CAB39: variants seen among roughly 807,000 people sequenced by gnomAD.
CAB39 encodes calcium binding protein 39.
CAB39 carries 8 observed loss-of-function variants against 40.0 expected under a neutral mutation model. That is an observed-to-expected ratio of 0.20 (90% CI 0.12 to 0.36). The LOEUF (loss-of-function observed/expected upper bound fraction) is 0.36. Among genes scored for constraint, CAB39 ranks in the 10% least tolerant of loss-of-function variants. The probability of loss-of-function intolerance (pLI) is 1.00; values close to 1 mark genes in which losing one functional copy is unlikely to be tolerated. For missense variants in CAB39, 270 were observed against 401.1 expected (o/e 0.67, Z 2.79); for synonymous variants, 156 against 141.6 (o/e 1.10, Z -0.72).
At chr2:230,731,636 A>G (rs1694691721) in intron 1 of CAB39, among the ~76,000 whole-genome samples, 1 of 152,144 alleles carries the variant, frequency 6.6e-6, no homozygotes, top group Non-Finnish European at 1.5e-5. Context: ...TCAAGTAGCT[A>G]GGACTACAGA....
At chr2:230,809,915 GT>G (rs1186595810) in intron 5 of CAB39, among the ~76,000 whole-genome samples, 1 of 152,080 alleles carries the variant, frequency 6.6e-6, no homozygotes, top group Non-Finnish European at 1.5e-5. Context: ...TGTTAGCTTT[GT>G]TTTTGTGTTT....
chr2:230,795,653 C>A (rs896197599), intron 4 of CAB39, among the ~76,000 whole-genome samples: 1 of 152,128 alleles, frequency 6.6e-6, no homozygotes, highest in African/African-American at 2.4e-5. Context: ...CTGTCCATTA[C>A]AAAATTCTCA....
chr2:230,804,527 A>G (rs1183207582), intron 5 of CAB39, among the ~76,000 whole-genome samples: 1 of 152,210 alleles, frequency 6.6e-6, no homozygotes, highest in African/African-American at 2.4e-5. Context: ...AGAATCTACA[A>G]AGAACTTAAA....
intron 2 of CAB39, among the ~76,000 whole-genome samples, chr2:230,785,539 C>G (rs1695774349): frequency 6.6e-6 from 1 of 151,562 alleles, no homozygotes; most frequent in African/African-American, 2.4e-5. Context: ...AGGGTGAGTT[C>G]CTAAGAACGC....
At chr2:230,784,437 A>G (rs375885149) in intron 2 of CAB39, among the ~76,000 whole-genome samples, 1 of 152,170 alleles carries the variant, frequency 6.6e-6, no homozygotes. Flanking sequence ...TTTAACTGTT[A>G]ATTAAAGCAG....
intron 2 of CAB39, among the ~76,000 whole-genome samples, chr2:230,779,833 GGA>G (rs1380642301): frequency 1.2e-4 from 18 of 152,210 alleles, no homozygotes; most frequent in Non-Finnish European, 2.6e-4. Flanking sequence ...ATGGGAGGGA[GGA>G]GAGTCTTCCT....
At chr2:230,784,332 C>A (rs920447201) in intron 2 of CAB39, among the ~76,000 whole-genome samples, 1 of 152,084 alleles carries the variant, frequency 6.6e-6, no homozygotes, top group Admixed American at 6.5e-5. Context: ...TGAGACATTA[C>A]GAGTGGAGAC....
rs757769992 is a variant in CAB39 at position 230,759,989 on chromosome 2, T to C, written c.-13T>C. 2.0e-6 allele frequency: 3 copies of C among 1,527,884 alleles called. No individual in the cohort carries two copies. The highest frequency in any genetic ancestry group is 2.7e-6 in the Non-Finnish European group (3 of 1,101,754). 94.6% of individuals were successfully genotyped at this position (1,527,884 alleles called of 1,614,324 possible). On this transcript the variant is annotated 5_prime_UTR_variant, in exon 2 of 9. Coordinates refer to ENST00000258418, the MANE Select transcript of CAB39 (RefSeq NM_016289.4). ...ACAGGCGGAGTGCAGCGGAGGCCCC[T>C]GCCGCTGCCGTCATGCCGTTCCCGT... is the stretch of plus-strand genomic sequence containing the variant.
intron 7 of CAB39, among the ~76,000 whole-genome samples, chr2:230,817,005 TGAA>T (rs1371173210): frequency 3.9e-5 from 6 of 152,230 alleles, no homozygotes; most frequent in African/African-American, 1.4e-4. Flanking sequence ...GTTGACAACC[TGAA>T]GAAGTGACTG....
At chr2:230,797,786 G>A (rs73995154) in intron 4 of CAB39, among the ~76,000 whole-genome samples, 5,156 of 152,194 alleles carry the variant, frequency 0.034, 305 homozygotes, top group African/African-American at 0.12. Flanking sequence ...AACATGAAAG[G>A]TTTTATTTTG....
chr2:230,764,644 A>AT (rs1219613945), intron 2 of CAB39, among the ~76,000 whole-genome samples: 1 of 152,220 alleles, frequency 6.6e-6, no homozygotes, highest in East Asian at 1.9e-4. Context: ...TTCATGATCT[A>AT]GTCAAATTTC....
intron 2 of CAB39, among the ~76,000 whole-genome samples, chr2:230,762,713 A>G (rs1695316812): frequency 6.6e-6 from 1 of 152,216 alleles, no homozygotes; most frequent in Non-Finnish European, 1.5e-5. Flanking sequence ...CATTACATTC[A>G]TTCTATTCAT....
At chr2:230,751,695 C>T (rs985659799) in intron 1 of CAB39, among the ~76,000 whole-genome samples, 3 of 152,058 alleles carry the variant, frequency 2.0e-5, no homozygotes, top group African/African-American at 7.2e-5. Flanking sequence ...TGTAATAGAG[C>T]AGTGATTTGA....
chr2:230,773,314 A>ATATATATATATATGTG (rs371297550), intron 2 of CAB39, among the ~76,000 whole-genome samples: 1 of 132,632 alleles, frequency 7.5e-6, no homozygotes, highest in African/African-American at 3.1e-5. Context: ...ATATATATAT[A>ATATATATATATATGTG]TGTGTGTGTG....
intron 2 of CAB39, among the ~76,000 whole-genome samples, chr2:230,784,920 A>G (rs1284287345): frequency 6.6e-6 from 1 of 152,214 alleles, no homozygotes; most frequent in Non-Finnish European, 1.5e-5. Flanking sequence ...ATAGGACCTC[A>G]CATTTTACAC....
In CAB39 at chr2:230,818,677, G is replaced by A. The variant is rs149136517; in HGVS notation, c.999G>A (p.Leu333=). 465 of 1,613,964 alleles carry A rather than the reference G, an allele frequency of 2.9e-4. 1 individual carries two copies. In the African/African-American group the frequency reaches 5.5e-3, roughly 19 times the overall value. The change falls in exon 9 of 9, where the codon TTG becomes TTA. Residue 333 remains leucine, a synonymous_variant. Coordinates refer to ENST00000258418, the MANE Select transcript of CAB39 (RefSeq NM_016289.4). The part of the protein sequence containing the change: ...KTYLVKQIRD[L]KRPAQQEA Reference sequence around the variant, plus strand: ...ATTTAGTTAAACAGATCAGGGATTTGAAGAGACCAGCTCAGCAAGAAGCTT... The same window carrying A: ...ATTTAGTTAAACAGATCAGGGATTTAAAGAGACCAGCTCAGCAAGAAGCTT...
chr2:230,748,477 T>A (rs1480575542), intron 1 of CAB39, among the ~76,000 whole-genome samples: 1 of 152,154 alleles, frequency 6.6e-6, no homozygotes, highest in African/African-American at 2.4e-5. Flanking sequence ...TTAAGGCCAT[T>A]GGTGATTGTT....
chr2:230,798,894 C>T lies in CAB39; in HGVS notation c.564C>T (p.Phe188=). Residue 188 remains phenylalanine (F), a synonymous_variant, in exon 5 of 9, where the codon TTC becomes TTT. Transcript: ENST00000258418. The part of the protein sequence containing the change: ...FDIASDAFAT[F]KDLLTRHKLL... ...TAGCTTCAGATGCATTTGCCACATT[C>T]AAGGTAACAAAAACTGTAGAATTCT... The T allele has an allele frequency of 6.3e-7, 1 of 1,581,950 alleles. No homozygotes were observed. Among genetic ancestry groups the T allele is most frequent in the Non-Finnish European group, 8.6e-7 (1 of 1,158,364 alleles).
At chr2:230,761,658 A>G (rs1695294213) in intron 2 of CAB39, among the ~76,000 whole-genome samples, 2 of 152,052 alleles carry the variant, frequency 1.3e-5, no homozygotes, top group South Asian at 2.1e-4. Context: ...ATGAGTTATC[A>G]TTTCTGTTCT....
Sources: gnomAD v4.1 joint callset for allele counts (sites outside exome capture counted in the v4.1 genomes callset) on GRCh38, gnomAD v4.1.1 for gene constraint, MANE v1.5 for transcripts, NCBI Gene and HGNC (gene_info 2026-07-23, HGNC 2026-07-21) for gene names.